The following SAMD5 variants were observed in gnomAD, a reference collection of about 807,000 sequenced individuals.
The protein encoded by SAMD5 is sterile alpha motif domain-containing protein 5.
In SAMD5, 13 loss-of-function variants were observed where a neutral mutation model predicts 11.3. That is an observed-to-expected ratio of 1.15 (90% CI 0.75 to 1.83). The LOEUF (loss-of-function observed/expected upper bound fraction) is 1.83. SAMD5 is among the 40% of genes most tolerant of loss of function. SAMD5 has a pLI of 0.00. For missense variants in SAMD5, 255 were observed against 239.1 expected, an observed-to-expected ratio of 1.07 and a Z score of -0.44; for synonymous variants, 129 against 111.3, an observed-to-expected ratio of 1.16 and a Z score of -1.00.
the SAMD5 span, among the ~76,000 whole-genome samples, chr6:147,863,243 G>A: frequency 4.6e-5 from 7 of 152,116 alleles, no homozygotes; most frequent in Non-Finnish European, 8.8e-5. Flanking sequence ...CCAAACTCAC[G>A]TTGGGGACTT....
the SAMD5 span, among the ~76,000 whole-genome samples, chr6:147,758,686 T>C: frequency 6.6e-6 from 1 of 152,092 alleles, no homozygotes; most frequent in South Asian, 2.1e-4. Context: ...GGGCATACCT[T>C]CTCCCCAGTC....
chr6:147,799,014 C>G, the SAMD5 span, among the ~76,000 whole-genome samples: 3 of 152,168 alleles, frequency 2.0e-5, no homozygotes, highest in Non-Finnish European at 4.4e-5. Flanking sequence ...GGTCTTGACT[C>G]TTTATCCAGT....
At chr6:147,511,341 C>T (rs1045140141) in intron 1 of SAMD5, among the ~76,000 whole-genome samples, 1 of 152,218 alleles carries the variant, frequency 6.6e-6, no homozygotes, top group Non-Finnish European at 1.5e-5. Flanking sequence ...AGGCTTTGAA[C>T]TCTGGTCTCC....
intron 1 of SAMD5, among the ~76,000 whole-genome samples, chr6:147,661,389 C>A (rs1790646541): frequency 6.6e-6 from 1 of 152,142 alleles, no homozygotes; most frequent in Non-Finnish European, 1.5e-5. Context: ...GATGGGAGAA[C>A]AGTCTCTTAA....
chr6:147,808,227 G>A, the SAMD5 span, among the ~76,000 whole-genome samples: 1 of 152,150 alleles, frequency 6.6e-6, no homozygotes, highest in Non-Finnish European at 1.5e-5. Flanking sequence ...TTTAGAGACT[G>A]GGTCTCACTC....
chr6:147,757,137 C>T, the SAMD5 span, among the ~76,000 whole-genome samples: 1 of 152,156 alleles, frequency 6.6e-6, no homozygotes, highest in East Asian at 1.9e-4. Flanking sequence ...AATGTGATTG[C>T]TCTTCTGTCT....
intron 1 of SAMD5, among the ~76,000 whole-genome samples, chr6:147,642,398 G>A (rs1223638310): frequency 6.6e-6 from 1 of 152,184 alleles, no homozygotes; most frequent in Non-Finnish European, 1.5e-5. Flanking sequence ...TGTAAAATGA[G>A]AGAGTTGTAT....
the SAMD5 span, among the ~76,000 whole-genome samples, chr6:147,839,641 T>G: frequency 3.8e-4 from 58 of 152,170 alleles, 1 homozygote; most frequent in Middle Eastern, 3.4e-3. Context: ...TCCAAGCTAC[T>G]CGGGAGGCTG....
At chr6:147,883,055 C>T in the SAMD5 span, among the ~76,000 whole-genome samples, 5 of 152,058 alleles carry the variant, frequency 3.3e-5, no homozygotes, top group Admixed American at 2.0e-4. Context: ...CAATTGCTTC[C>T]GAGGGAGAAA....
the SAMD5 span, among the ~76,000 whole-genome samples, chr6:147,870,996 C>T: frequency 1.3e-3 from 191 of 152,264 alleles, no homozygotes; most frequent in African/African-American, 4.4e-3. Context: ...TTTGGAAATA[C>T]TTGTGCATAT....
chr6:147,679,135 G>T (rs558755877), intron 1 of SAMD5, among the ~76,000 whole-genome samples: 16 of 152,182 alleles, frequency 1.1e-4, no homozygotes, highest in African/African-American at 3.9e-4. Flanking sequence ...GAATATTTAT[G>T]TACACATTTT....
the SAMD5 span, among the ~76,000 whole-genome samples, chr6:147,885,247 C>T: frequency 2.6e-5 from 4 of 151,980 alleles, no homozygotes; most frequent in African/African-American, 9.7e-5. Flanking sequence ...TCATTTGAGG[C>T]CAGGAGTTGG....
the SAMD5 span, among the ~76,000 whole-genome samples, chr6:147,800,649 A>G: frequency 6.6e-6 from 1 of 152,228 alleles, no homozygotes; most frequent in African/African-American, 2.4e-5. Flanking sequence ...AGAGGGATCT[A>G]AAAAGATTTT....
chr6:147,730,074 CAAAAAAAAAA>C (rs34624038), intron 1 of SAMD5: 1 of 252,176 alleles, frequency 4.0e-6, no homozygotes, highest in African/African-American at 3.3e-5. Context: ...GACTCTGTCT[CAAAAAAAAAA>C]AAAAAAAAGA....
At chr6:147,750,765 T>C in the SAMD5 span, among the ~76,000 whole-genome samples, 11 of 152,210 alleles carry the variant, frequency 7.2e-5, no homozygotes, top group African/African-American at 2.6e-4. Flanking sequence ...CTACTAAACA[T>C]ACAAAATTTA....
the SAMD5 span, among the ~76,000 whole-genome samples, chr6:147,749,584 A>T: frequency 6.6e-6 from 1 of 152,214 alleles, no homozygotes; most frequent in African/African-American, 2.4e-5. Flanking sequence ...ATAAAGGAGT[A>T]CGAATCATTT....
At chr6:147,804,735 A>C in the SAMD5 span, among the ~76,000 whole-genome samples, 1 of 152,360 alleles carries the variant, frequency 6.6e-6, no homozygotes. Flanking sequence ...GTTACTCTTT[A>C]ACAGCACTAG....
In SAMD5 at chr6:147,565,168, C is replaced by T. The variant is rs374839261; in HGVS notation, c.*712C>T. 146 of 985,446 alleles carry T rather than the reference C, an allele frequency of 1.5e-4. No homozygotes were observed. The African/African-American group carries it at 2.2e-3, about 15-fold the overall frequency. The allele number at this position is 985,446 out of a possible 1,614,324, so 61.0% of individuals were successfully genotyped here. A position where few individuals can be genotyped will look rare whatever the true frequency, so the allele number is the denominator to read the frequency against. ...AATACAAGTGTCTTGCTCTGACATG[C>T]ATCAAGCAAGAGCTAGCTATTTTAC... is the stretch of plus-strand genomic sequence containing the variant. On this transcript the variant is annotated 3_prime_UTR_variant, in exon 2 of 2. Coordinates refer to ENST00000367474, the MANE Select transcript of SAMD5 (RefSeq NM_001030060.3).
chr6:147,909,494 T>G, the SAMD5 span, among the ~76,000 whole-genome samples: 1 of 152,048 alleles, frequency 6.6e-6, no homozygotes, highest in Non-Finnish European at 1.5e-5. Flanking sequence ...AAATAAAACA[T>G]AATTATTAAA....
Sources: allele counts gnomAD v4.1 joint callset (sites outside exome capture counted in the v4.1 genomes callset), GRCh38; gene constraint gnomAD v4.1.1; transcripts MANE v1.5; gene names NCBI Gene and HGNC (gene_info 2026-07-23, HGNC 2026-07-21).